The following STAB1 variants were observed in gnomAD, a reference collection of about 807,000 sequenced individuals.
The protein encoded by STAB1 is stabilin-1.
STAB1 carries 250 observed loss-of-function variants against 332.4 expected under a neutral mutation model. The observed-to-expected ratio is 0.75, with a 90% confidence interval of 0.68 to 0.84. The LOEUF is 0.84. STAB1 is among the 40% of genes least tolerant of loss of function. STAB1 has a pLI of 0.00. For synonymous variants in STAB1, 1,475 were observed against 1,390.4 expected, an observed-to-expected ratio of 1.06 and a Z score of -1.35; for missense variants, 3,249 against 3,489.7, an observed-to-expected ratio of 0.93 and a Z score of 1.74.
intron 10 of STAB1, 95 bp from the exon 11 acceptor site, chr3:52,504,366 C>G: frequency 7.0e-7 from 1 of 1,434,582 alleles, no homozygotes; most frequent in South Asian, 1.2e-5. Flanking sequence ...ACCCCCACCC[C>G]AACTCCCCCA....
At position 52,513,738 on chromosome 3, in the gene STAB1, A is replaced by G; in HGVS notation, c.3292A>G (p.Ser1098Gly). ...ISGRVWVQNASVDVADLLATN... is the reference protein window; with the variant it reads ...ISGRVWVQNAGVDVADLLATN... ...CCAGAGGGTCTGGGTGCAGAATGCC[A>G]GCGTGGATGTGGCTGACCTCCTTGC... Residue 1098 changes from serine (S) to glycine (G), a missense_variant, in exon 31 of 69, where the codon AGC (serine) becomes GGC (glycine). Ser to Gly is a moderately conservative substitution (Grantham distance 56, BLOSUM62 0). Coordinates refer to ENST00000321725, the MANE Select transcript of STAB1 (RefSeq NM_015136.3). The G allele has an allele frequency of 6.2e-7, 1 of 1,613,452 alleles. No individual in the cohort carries two copies. Among genetic ancestry groups the G allele is most frequent in the Non-Finnish European group, 8.5e-7 (1 of 1,179,996 alleles).
Position 52,523,310 on chromosome 3 carries a change from T to C in STAB1, c.7109T>C (p.Val2370Ala). The C allele has an allele frequency of 6.2e-7, 1 of 1,611,848 alleles. No individual in the cohort carries two copies. Among genetic ancestry groups the C allele is most frequent in the Non-Finnish European group, 8.5e-7 (1 of 1,180,014 alleles). ...GAGCTCACGTATAAGACACTCTTCG[T>C]CCCTGTCAATGAAGGCTTTGTGGAC... is the stretch of plus-strand genomic sequence containing the variant. ...DDELTYKTLF[V>A]PVNEGFVDNM... Residue 2370 changes from valine (V) to alanine (A), a missense_variant, in exon 64 of 69, where the codon GTC becomes GCC. Coordinates refer to ENST00000321725, the MANE Select transcript of STAB1 (RefSeq NM_015136.3).
chr3:52,499,085 G>T (rs1251528594), intron 1 of STAB1, among the ~76,000 whole-genome samples: 1 of 152,194 alleles, frequency 6.6e-6, no homozygotes, highest in African/African-American at 2.4e-5. Flanking sequence ...CCAGGAAAGG[G>T]ATGTTCTGGG....
chr3:52,507,011 G>A (rs184914945), intron 18 of STAB1, among the ~76,000 whole-genome samples, 161 bp downstream of exon 18: 2 of 152,316 alleles, frequency 1.3e-5, no homozygotes, highest in East Asian at 1.9e-4. Flanking sequence ...CTTCCCCCAC[G>A]CTCACCCTCA....
chr3:52,511,530 G>A (rs1709297210), intron 25 of STAB1, 120 bp from the exon 26 acceptor site: 1 of 801,444 alleles, frequency 1.2e-6, no homozygotes. Context: ...GCTGGGAGAA[G>A]TTCCTCTGGG....
Position 52,522,200 on chromosome 3 carries a change from C to A in STAB1, c.6435C>A (p.Ser2145Arg). The A allele has an allele frequency of 2.5e-6, 4 of 1,612,560 alleles. No homozygotes were observed. In the South Asian group the frequency reaches 3.3e-5, roughly 13 times the overall value. Reference sequence around the variant, plus strand: ...CAGATGGCCACCGCGGGGGCTGCAGCGAGCACGCCAACTGCTTGAGCACCG... The same window carrying A: ...CAGATGGCCACCGCGGGGGCTGCAGAGAGCACGCCAACTGCTTGAGCACCG... ...PCTDGHRGGC[S>R]EHANCLSTGL... Residue 2145 changes from serine (S) to arginine (R), a missense_variant, in exon 59 of 69, where the codon AGC becomes AGA. Coordinates refer to ENST00000321725, the MANE Select transcript of STAB1 (RefSeq NM_015136.3).
intron 6 of STAB1, 68 bp downstream of exon 6, chr3:52,502,795 G>A: frequency 1.3e-6 from 2 of 1,519,740 alleles, no homozygotes; most frequent in South Asian, 1.2e-5. Context: ...AGGCCGACTG[G>A]GTGAGGATGG....
chr3:52,501,067 G>A (rs568007478), intron 1 of STAB1, 99 bp from the exon 2 acceptor site: 3 of 1,502,560 alleles, frequency 2.0e-6, no homozygotes, highest in South Asian at 2.5e-5. Context: ...CAGATGGGAA[G>A]TGGCAGCTGG....
Position 52,512,883 on chromosome 3 carries a change from A to G in STAB1, c.3083A>G (p.Glu1028Gly). 3 of 1,611,624 alleles carry G rather than the reference A, an allele frequency of 1.9e-6. No individual in the cohort carries two copies. The highest frequency in any genetic ancestry group is 2.5e-6 in the Non-Finnish European group (3 of 1,179,792). Residue 1028 changes from glutamate to glycine, a missense_variant, in exon 29 of 69, where the codon GAG (glutamate) becomes GGG (glycine). Glu to Gly is a moderately conservative substitution (Grantham distance 98). Coordinates refer to ENST00000321725, the MANE Select transcript of STAB1 (RefSeq NM_015136.3). ...DRRVTALVPS[E>G]AAVRQLSPED... ...CGAGTCACAGCCCTGGTGCCCTCCGAGGCTGCAGTCCGTCAGCTGAGCCCC... is the reference window on the plus strand; with the variant it reads ...CGAGTCACAGCCCTGGTGCCCTCCGGGGCTGCAGTCCGTCAGCTGAGCCCC...
intron 1 of STAB1, among the ~76,000 whole-genome samples, chr3:52,499,545 T>C (rs886696111): frequency 6.6e-6 from 1 of 152,210 alleles, no homozygotes; most frequent in African/African-American, 2.4e-5. Flanking sequence ...GATGGCCTCT[T>C]TCCCACCACA....
chr3:52,501,408 C>A, intron 2 of STAB1, 106 bp downstream of exon 2: 3 of 1,517,752 alleles, frequency 2.0e-6, no homozygotes, highest in Non-Finnish European at 2.7e-6. Flanking sequence ...ACTCACTTAT[C>A]CATGCCCCTG....
chr3:52,495,436 T>C lies in STAB1; in HGVS notation c.23T>C (p.Leu8Pro), dbSNP rs1578330426. 13 of 1,342,542 alleles carry C rather than the reference T, an allele frequency of 9.7e-6. No homozygotes were observed. The highest frequency in any genetic ancestry group is 1.2e-5 in the Non-Finnish European group (13 of 1,040,198). 83.2% of individuals were successfully genotyped at this position (1,342,542 alleles called of 1,614,324 possible). A position where few individuals can be genotyped will look rare whatever the true frequency, so the allele number is the denominator to read the frequency against. The change falls in exon 1 of 69, where the codon CTC (leucine) becomes CCC (proline). Residue 8 changes from leucine to proline, a missense_variant. Physicochemically the swap from Leu to Pro is moderately conservative, Grantham distance 98. Coordinates refer to ENST00000321725, the MANE Select transcript of STAB1 (RefSeq NM_015136.3). Reference sequence around the variant, plus strand: ...GCCATGGCGGGGCCCCGGGGCCTCCTCCCACTCTGCCTCCTGGCCTTCTGC... The same window carrying C: ...GCCATGGCGGGGCCCCGGGGCCTCCCCCCACTCTGCCTCCTGGCCTTCTGC... MAGPRGL[L>P]PLCLLAFCLA... is the part of the protein sequence containing the mutation.
chr3:52,504,243 G>C (rs1578365832), intron 10 of STAB1, 88 bp downstream of exon 10: 1 of 1,520,026 alleles, frequency 6.6e-7, no homozygotes, highest in Non-Finnish European at 8.8e-7. Context: ...GCAGATTCCA[G>C]TTTCTCTGCC....
chr3:52,516,215 G>T lies in STAB1; in HGVS notation c.4121G>T (p.Arg1374Leu). Reference sequence around the variant, plus strand: ...GCCTGTGAGGTGTGTGAGCTGGGCCGCTACGGGCCCAACTGCACCGGAGGT... The same window carrying T: ...GCCTGTGAGGTGTGTGAGCTGGGCCTCTACGGGCCCAACTGCACCGGAGGT... Reference protein sequence around the residue: ...GTACEVCELGRYGPNCTGVCD... With the variant: ...GTACEVCELGLYGPNCTGVCD... The change falls in exon 38 of 69, where the codon CGC (arginine) becomes CTC (leucine). Residue 1374 changes from arginine to leucine, a missense_variant. Coordinates refer to ENST00000321725, the MANE Select transcript of STAB1 (RefSeq NM_015136.3). 1 of 1,612,044 alleles carries T rather than the reference G, an allele frequency of 6.2e-7. No individual in the cohort carries two copies. Among genetic ancestry groups the T allele is most frequent in the Non-Finnish European group, 8.5e-7 (1 of 1,179,676 alleles).
At position 52,523,028 on chromosome 3, in the gene STAB1, T is replaced by G; in HGVS notation, c.6914T>G (p.Val2305Gly). 6.3e-7 allele frequency: 1 copy of G among 1,575,388 alleles called. No individual in the cohort carries two copies. Among genetic ancestry groups the G allele is most frequent in the Non-Finnish European group, 8.6e-7 (1 of 1,157,322 alleles). Residue 2305 changes from valine (V) to glycine (G), a missense_variant, in exon 63 of 69, where the codon GTG (valine) becomes GGG (glycine). Coordinates refer to ENST00000321725, the MANE Select transcript of STAB1 (RefSeq NM_015136.3). Reference sequence around the variant, plus strand: ...CACTGACCTGCTTTTCCTGCAGATGTGGCCTGCCGATGCCGAAATGGCTTC... The same window carrying G: ...CACTGACCTGCTTTTCCTGCAGATGGGGCCTGCCGATGCCGAAATGGCTTC... ...WDAYCFRVQD[V>G]ACRCRNGFVG...
In STAB1 at chr3:52,506,201, G is replaced by A. The variant is rs779596467; in HGVS notation, c.1781G>A (p.Arg594Gln). ...GTTGAGAAGCTCATCTCCAAGGGTC[G>A]GATCCTCACCATGGCGAACCAGGTC... The part of the protein sequence containing the change: ...LTVEKLISKG[R>Q]ILTMANQVLA... Residue 594 changes from arginine to glutamine, a missense_variant, in exon 17 of 69, where the codon CGG (arginine) becomes CAG (glutamine). Transcript: ENST00000321725. 23 of 1,612,610 alleles carry A rather than the reference G, an allele frequency of 1.4e-5. No homozygotes were observed. The highest frequency in any genetic ancestry group is 4.0e-5 in the African/African-American group (3 of 74,924).
At chr3:52,499,275 G>T (rs907304412) in intron 1 of STAB1, among the ~76,000 whole-genome samples, 8 of 152,230 alleles carry the variant, frequency 5.3e-5, no homozygotes, top group Non-Finnish European at 1.0e-4. Context: ...AGTGCTGAAG[G>T]TTGCTGGGAC....
chr3:52,496,858 G>A (rs527590173), intron 1 of STAB1, among the ~76,000 whole-genome samples: 70 of 152,180 alleles, frequency 4.6e-4, no homozygotes, highest in Non-Finnish European at 9.3e-4. Flanking sequence ...ACACAGCTAC[G>A]TGGCCTCTAT....
chr3:52,520,971 C>CTG lies in STAB1; in HGVS notation c.5875_5876dup (p.Cys1960AlafsTer31). ...GTGTCACCACCACCTGGAAGCCCAG[C>CTG]TGCTGCCCTGGTCACTATGGCAGTG... On this transcript the variant is annotated frameshift_variant, in exon 55 of 69. Transcript: ENST00000321725. LOFTEE classifies it high-confidence loss of function. The CTG allele has an allele frequency of 6.4e-7, 1 of 1,570,694 alleles. No individual in the cohort carries two copies. The highest frequency in any genetic ancestry group is 2.2e-5 in the East Asian group (1 of 44,524).
Sources: gnomAD v4.1 joint callset for allele counts (sites outside exome capture counted in the v4.1 genomes callset) on GRCh38, gnomAD v4.1.1 for gene constraint, MANE v1.5 for transcripts, NCBI Gene and HGNC (gene_info 2026-07-23, HGNC 2026-07-21) for gene names.